The following RASEF variants were observed in gnomAD, a reference collection of about 807,000 sequenced individuals.
RASEF encodes RAS and EF-hand domain containing, also known as ras and EF-hand domain-containing protein.
RASEF carries 68 observed loss-of-function variants against 90.1 expected under a neutral mutation model. The observed-to-expected ratio is 0.75, with a 90% CI of 0.62 to 0.92. The LOEUF (loss-of-function observed/expected upper bound fraction) is 0.92. Among genes scored for constraint, RASEF ranks in the 40% least tolerant of loss-of-function variants. The probability of loss-of-function intolerance (pLI) is 0.00; values close to 1 mark genes in which losing one functional copy is unlikely to be tolerated. For synonymous variants in RASEF, 331 were observed against 345.2 expected, an observed-to-expected ratio of 0.96 and a Z score of 0.46; for missense variants, 949 against 937.2, an observed-to-expected ratio of 1.01 and a Z score of -0.16.
At chr9:83,157,808 G>A in the RASEF span, among the ~76,000 whole-genome samples, 1 of 152,240 alleles carries the variant, frequency 6.6e-6, no homozygotes, top group Non-Finnish European at 1.5e-5. Context: ...AAAAATATTT[G>A]ATAATCAAAG....
chr9:83,020,689 A>G (rs1829426124), intron 3 of RASEF, among the ~76,000 whole-genome samples: 1 of 152,200 alleles, frequency 6.6e-6, no homozygotes, highest in Non-Finnish European at 1.5e-5. Context: ...AGATCCTGTA[A>G]TTAACAAAAC....
chr9:83,092,270 G>C, the RASEF span, among the ~76,000 whole-genome samples: 1 of 152,002 alleles, frequency 6.6e-6, no homozygotes, highest in Non-Finnish European at 1.5e-5. Flanking sequence ...ATGTGCTGTA[G>C]TATTGTGTCT....
At chr9:83,048,609 G>T in intron 1 of RASEF, 1 of 985,376 alleles carries the variant, frequency 1.0e-6, no homozygotes, top group Middle Eastern at 5.2e-4. Flanking sequence ...GAAAAAGGGC[G>T]AGAAGAGTTT....
chr9:83,189,277 T>G, the RASEF span, among the ~76,000 whole-genome samples: 542 of 152,342 alleles, frequency 3.6e-3, 2 homozygotes, highest in African/African-American at 0.012. Flanking sequence ...TGCTGCCATG[T>G]GAAGAAGGAT....
chr9:83,214,954 C>G, the RASEF span, among the ~76,000 whole-genome samples: 40 of 151,952 alleles, frequency 2.6e-4, no homozygotes, highest in South Asian at 1.0e-3. Context: ...TTTGGACTAC[C>G]ATGCTCCCTA....
chr9:83,170,449 T>C, the RASEF span, among the ~76,000 whole-genome samples: 1 of 151,892 alleles, frequency 6.6e-6, no homozygotes, highest in South Asian at 2.1e-4. Context: ...AAAATATATA[T>C]ATATTTATGT....
the RASEF span, among the ~76,000 whole-genome samples, chr9:83,161,574 T>C: frequency 1.3e-5 from 2 of 152,040 alleles, no homozygotes; most frequent in Non-Finnish European, 2.9e-5. Context: ...CAATGAGACG[T>C]TGGACTGTGG....
upstream of RASEF, among the ~76,000 whole-genome samples, chr9:83,063,793 C>T (rs1014236492): frequency 6.6e-6 from 1 of 152,006 alleles, no homozygotes; most frequent in African/African-American, 2.4e-5. Flanking sequence ...GGTAGGTTAC[C>T]CTTTGGTTTT....
intron 1 of RASEF, among the ~76,000 whole-genome samples, chr9:83,026,994 T>C (rs1336288306): frequency 6.6e-6 from 1 of 152,134 alleles, no homozygotes; most frequent in Non-Finnish European, 1.5e-5. Flanking sequence ...CAATCACCTA[T>C]AAATCAGGGG....
the RASEF span, among the ~76,000 whole-genome samples, chr9:83,076,197 A>G: frequency 1.3e-5 from 2 of 151,920 alleles, no homozygotes; most frequent in South Asian, 2.1e-4. Context: ...AGCCACTCCT[A>G]TTCCTCTGGA....
chr9:83,140,487 T>G, the RASEF span, among the ~76,000 whole-genome samples: 1 of 152,178 alleles, frequency 6.6e-6, no homozygotes, highest in Non-Finnish European at 1.5e-5. Flanking sequence ...CATGAACAAC[T>G]TAAGCTAGGG....
the RASEF span, among the ~76,000 whole-genome samples, chr9:83,209,401 T>C: frequency 6.6e-6 from 1 of 152,238 alleles, no homozygotes. Flanking sequence ...TGGGAGGTAA[T>C]GGATTCATCT....
the RASEF span, among the ~76,000 whole-genome samples, chr9:83,154,733 G>A: frequency 3.3e-5 from 5 of 152,268 alleles, no homozygotes; most frequent in Admixed American, 6.5e-5. Flanking sequence ...GCCTTTTTCT[G>A]TCTTTGCATT....
Position 83,040,014 on chromosome 9 carries a change from G to C in RASEF, c.432-14093C>G, listed in dbSNP as rs189661313. Among the ~76,000 whole-genome samples, 6 of 152,206 alleles carry C rather than the reference G, an allele frequency of 3.9e-5. No individual in the cohort carries two copies. In the East Asian group the frequency reaches 9.7e-4, roughly 25 times the overall value. ...GGGCAGGTTTTTTGGTGCTGTTCTA[G>C]TGATAGTGAATAAGTCTCATGAGAT... On this transcript the variant is annotated intron_variant, in intron 1 of 16. Coordinates refer to ENST00000376447, the MANE Select transcript of RASEF (RefSeq NM_152573.4).
At chr9:83,218,850 TC>T in the RASEF span, among the ~76,000 whole-genome samples, 1 of 152,068 alleles carries the variant, frequency 6.6e-6, no homozygotes, top group Admixed American at 6.5e-5. Flanking sequence ...CTGGGAACTA[TC>T]CCAGCGTGGA....
rs945706866 is a variant in RASEF, at chr9:82,981,714, C to T, written c.*963G>A. ...TATCACCACTATTCCAATTCCAGAA[C>T]ATTCTCATCATCGCCCAAAGAAACC... On this transcript the variant is annotated 3_prime_UTR_variant, in exon 17 of 17. Transcript: ENST00000376447. 12 of 152,198 alleles carry T rather than the reference C, an allele frequency of 7.9e-5. No homozygotes were observed. The highest frequency in any genetic ancestry group is 2.9e-4 in the African/African-American group (12 of 41,442). 9.4% of individuals were successfully genotyped at this position (152,198 alleles called of 1,614,324 possible).
the RASEF span, among the ~76,000 whole-genome samples, chr9:83,190,139 T>G: frequency 6.6e-6 from 1 of 152,128 alleles, no homozygotes; most frequent in South Asian, 2.1e-4. Flanking sequence ...TGCAGCACTT[T>G]CCCCACAATA....
chr9:83,006,040 A>G (rs1463536749), intron 7 of RASEF, among the ~76,000 whole-genome samples: 1 of 152,224 alleles, frequency 6.6e-6, no homozygotes, highest in East Asian at 1.9e-4. Flanking sequence ...AACAGAAGTC[A>G]TTCAAGCTGT....
At chr9:83,205,466 T>C in the RASEF span, among the ~76,000 whole-genome samples, 8 of 152,250 alleles carry the variant, frequency 5.3e-5, no homozygotes, top group African/African-American at 1.9e-4. Context: ...TCTGTGACTA[T>C]GCTCATGCTG....
Sources: gnomAD v4.1 joint callset for allele counts (sites outside exome capture counted in the v4.1 genomes callset) on GRCh38, gnomAD v4.1.1 for gene constraint, MANE v1.5 for transcripts, NCBI Gene and HGNC (gene_info 2026-07-23, HGNC 2026-07-21) for gene names.